Variants in OSBPL9 observed in about 807,000 individuals in gnomAD.
OSBPL9 encodes oxysterol binding protein like 9.
A neutral mutation model predicts 106.6 loss-of-function variants in OSBPL9; 40 were observed. The observed-to-expected ratio is 0.38, with a 90% CI of 0.29 to 0.49. OSBPL9 has a LOEUF of 0.49. Among genes scored for constraint, OSBPL9 ranks in the 20% least tolerant of loss-of-function variants. The probability of loss-of-function intolerance (pLI) is 0.97; values close to 1 mark genes in which losing one functional copy is unlikely to be tolerated. For missense variants in OSBPL9, 609 were observed against 887.2 expected (o/e 0.69, Z 3.98); for synonymous variants, 269 against 295.4 (o/e 0.91, Z 0.92).
chr1:51,621,209 T>C (rs1644410799), intron 1 of OSBPL9, among the ~76,000 whole-genome samples: 1 of 152,222 alleles, frequency 6.6e-6, no homozygotes, highest in South Asian at 2.1e-4. Context: ...CTTGTGAATA[T>C]TTCAGTATGT....
chr1:51,614,878 A>G (rs1644014955), upstream of OSBPL9, among the ~76,000 whole-genome samples: 1 of 152,182 alleles, frequency 6.6e-6, no homozygotes, highest in Admixed American at 6.5e-5. Context: ...ATAGCTACTA[A>G]GTGATGAATC....
intron 1 of OSBPL9, among the ~76,000 whole-genome samples, chr1:51,650,841 T>C (rs1646473458): frequency 6.6e-6 from 1 of 152,254 alleles, no homozygotes; most frequent in Non-Finnish European, 1.5e-5. Flanking sequence ...CTCTTAGGAA[T>C]ATTTACTGAA....
chr1:51,606,488 T>G (rs1006519172), intron 2 of OSBPL9, among the ~76,000 whole-genome samples: 1 of 152,178 alleles, frequency 6.6e-6, no homozygotes, highest in African/African-American at 2.4e-5. Flanking sequence ...TAGGTGGATA[T>G]AGAATGAGGA....
upstream of OSBPL9, among the ~76,000 whole-genome samples, chr1:51,616,312 C>T (rs1644057891): frequency 2.0e-5 from 3 of 152,124 alleles, no homozygotes. Context: ...CCCCTGTAGG[C>T]TGTTAGTGAT....
At chr1:51,708,689 G>A (rs1463156559) in intron 3 of OSBPL9, among the ~76,000 whole-genome samples, 1 of 151,886 alleles carries the variant, frequency 6.6e-6, no homozygotes, top group East Asian at 1.9e-4. Flanking sequence ...CTTTCTTTCA[G>A]TCTCGTATAT....
At chr1:51,673,499 G>A (rs1387358948) in intron 3 of OSBPL9, among the ~76,000 whole-genome samples, 4 of 152,224 alleles carry the variant, frequency 2.6e-5, no homozygotes, top group Non-Finnish European at 2.9e-5. Flanking sequence ...AATTGATGAT[G>A]CAAGAGAGAA....
At chr1:51,748,842 T>G (rs1668591182) in intron 7 of OSBPL9, among the ~76,000 whole-genome samples, 1 of 152,056 alleles carries the variant, frequency 6.6e-6, no homozygotes, top group Non-Finnish European at 1.5e-5. Context: ...TCCCAGCACT[T>G]TGGGAGGCCG....
chr1:51,650,463 C>T (rs1010932993), intron 1 of OSBPL9, among the ~76,000 whole-genome samples: 1 of 152,158 alleles, frequency 6.6e-6, no homozygotes, highest in African/African-American at 2.4e-5. Flanking sequence ...GGAATGTTTT[C>T]ATCAACTGTT....
chr1:51,571,780 G>A, the OSBPL9 span, among the ~76,000 whole-genome samples: 5 of 152,322 alleles, frequency 3.3e-5, no homozygotes, highest in Admixed American at 2.0e-4. Context: ...AAGGCAAAGA[G>A]CACCGAACCT....
the OSBPL9 span, among the ~76,000 whole-genome samples, chr1:51,533,055 T>C: frequency 4.7e-4 from 72 of 152,284 alleles, no homozygotes; most frequent in Non-Finnish European, 7.9e-4. Flanking sequence ...AATTGGTAAT[T>C]AATAAATGGT....
chr1:51,577,932 G>C (rs764435823), intron 1 of OSBPL9, among the ~76,000 whole-genome samples: 1 of 152,252 alleles, frequency 6.6e-6, no homozygotes, highest in Admixed American at 6.5e-5. Flanking sequence ...ATGAAATCAC[G>C]TGTGAGAAAA....
chr1:51,676,263 C>G (rs1430428736), intron 3 of OSBPL9, among the ~76,000 whole-genome samples: 3 of 151,928 alleles, frequency 2.0e-5, no homozygotes, highest in Non-Finnish European at 4.4e-5. Flanking sequence ...AACCCCGTCT[C>G]TACTACAAAT....
chr1:51,780,204 A>T (rs1036409670), intron 15 of OSBPL9, among the ~76,000 whole-genome samples: 1 of 128,806 alleles, frequency 7.8e-6, no homozygotes, highest in African/African-American at 3.4e-5. Flanking sequence ...TGGCCATATT[A>T]AAAAAAAAAA....
At chr1:51,710,695 T>C (rs1217897034) in intron 3 of OSBPL9, among the ~76,000 whole-genome samples, 1 of 152,270 alleles carries the variant, frequency 6.6e-6, no homozygotes, top group Non-Finnish European at 1.5e-5. Context: ...TACTCTATTG[T>C]CTCCTGGTTC....
chr1:51,549,626 G>C, the OSBPL9 span, among the ~76,000 whole-genome samples: 1 of 152,242 alleles, frequency 6.6e-6, no homozygotes. Flanking sequence ...GAGGTCAGGA[G>C]TTAGGGACCA....
At chr1:51,664,895 T>G (rs1287206926) in intron 2 of OSBPL9, among the ~76,000 whole-genome samples, 2 of 152,206 alleles carry the variant, frequency 1.3e-5, no homozygotes, top group Non-Finnish European at 2.9e-5. Context: ...TCAGATGAGA[T>G]AGTATATGTA....
intron 1 of OSBPL9, among the ~76,000 whole-genome samples, chr1:51,636,791 A>AAAAT (rs546021685): frequency 0.086 from 13,114 of 151,738 alleles, 648 homozygotes; most frequent in Non-Finnish European, 0.12. Context: ...CTCTACTTTA[A>AAAAT]AAATAAATAA....
At chr1:51,685,090 C>A (rs1171834306) in intron 3 of OSBPL9, among the ~76,000 whole-genome samples, 1 of 151,982 alleles carries the variant, frequency 6.6e-6, no homozygotes, top group Non-Finnish European at 1.5e-5. Context: ...TCAATTTATT[C>A]CCTTCTTTTC....
At chr1:51,653,352 T>C (rs1382623760) in intron 2 of OSBPL9, among the ~76,000 whole-genome samples, 1 of 152,236 alleles carries the variant, frequency 6.6e-6, no homozygotes, top group Non-Finnish European at 1.5e-5. Context: ...TTAGCAGAAC[T>C]GTCTTGACAG....
Sources: gnomAD v4.1 joint callset for allele counts (sites outside exome capture counted in the v4.1 genomes callset) on GRCh38, gnomAD v4.1.1 for gene constraint, MANE v1.5 for transcripts, NCBI Gene and HGNC (gene_info 2026-07-23, HGNC 2026-07-21) for gene names.